NRXN3: variants seen among roughly 807,000 people sequenced by gnomAD.
NRXN3 encodes the protein neurexin 3, also known as neurexin III.
NRXN3 carries 32 observed loss-of-function variants against 137.6 expected under a neutral mutation model. That is an observed-to-expected ratio of 0.23 (90% confidence interval 0.18 to 0.31). NRXN3 has a LOEUF of 0.31. NRXN3 is among the 10% of genes least tolerant of loss of function. NRXN3 has a pLI of 1.00. For missense variants in NRXN3, 1,574 were observed against 2,062.5 expected (o/e 0.76, Z 4.59); for synonymous variants, 798 against 784.5 (o/e 1.02, Z -0.29).
At chr14:79,624,194 A>G (rs1379696510) in intron 16 of NRXN3, among the ~76,000 whole-genome samples, 3 of 152,202 alleles carry the variant, frequency 2.0e-5, no homozygotes, top group Non-Finnish European at 2.9e-5. Context: ...AAAGACACCA[A>G]AGAGCCACGT....
At chr14:79,021,069 C>T (rs544118994) in intron 15 of NRXN3, among the ~76,000 whole-genome samples, 5 of 152,238 alleles carry the variant, frequency 3.3e-5, no homozygotes, top group African/African-American at 1.2e-4. Context: ...TTTCTAGCAG[C>T]AGGTGTGGTT....
Position 79,218,098 on chromosome 14 carries a change from C to T in NRXN3, c.3262+229957C>T, listed in dbSNP as rs554308135. On this transcript the variant is annotated intron_variant, in intron 15 of 20. Coordinates refer to ENST00000335750, the MANE Select transcript of NRXN3 (RefSeq NM_001330195.2). ...ATCATTGAACCATTGAAATATTGAC[C>T]CCATAATTGTTCCAATTTTGACTTC... is the stretch of plus-strand genomic sequence containing the variant. 9.3e-4 allele frequency among the ~76,000 whole-genome samples: 142 copies of T among 152,172 alleles called. 3 individuals carry two copies. In the South Asian group the frequency reaches 0.029, roughly 31 times the overall value.
At chr14:79,090,237 C>T (rs2048906823) in intron 15 of NRXN3, among the ~76,000 whole-genome samples, 1 of 152,100 alleles carries the variant, frequency 6.6e-6, no homozygotes, top group African/African-American at 2.4e-5. Context: ...TTAGACTTCT[C>T]ATTGCTTCCC....
intron 2 of NRXN3, among the ~76,000 whole-genome samples, chr14:78,257,682 G>C (rs1409452583): frequency 6.6e-6 from 1 of 152,204 alleles, no homozygotes; most frequent in Non-Finnish European, 1.5e-5. Flanking sequence ...TGAGGCCAAT[G>C]GGATAGTAAC....
chr14:78,628,374 C>T (rs558580035), intron 4 of NRXN3, among the ~76,000 whole-genome samples: 197 of 152,250 alleles, frequency 1.3e-3, no homozygotes, highest in Admixed American at 2.0e-3. Context: ...TTCATGTTTT[C>T]AAAACAATTT....
intron 4 of NRXN3, among the ~76,000 whole-genome samples, chr14:78,378,995 C>A (rs1265045466): frequency 6.6e-6 from 1 of 151,602 alleles, no homozygotes; most frequent in African/African-American, 2.4e-5. Flanking sequence ...GCAAAGCAAC[C>A]CTACACACAA....
intron 15 of NRXN3, among the ~76,000 whole-genome samples, chr14:79,077,433 C>G (rs936503345): frequency 7.2e-5 from 11 of 152,102 alleles, no homozygotes; most frequent in African/African-American, 2.7e-4. Context: ...TTTTCCTATT[C>G]ATCTGAATTC....
chr14:79,764,165 T>G (rs370302136), intron 19 of NRXN3, among the ~76,000 whole-genome samples: 68 of 47,970 alleles, frequency 1.4e-3, no homozygotes, highest in East Asian at 6.2e-3. Context: ...TTTTGGTGGG[T>G]GGGGGGGGTG....
rs1023440485 is a variant in NRXN3, at chr14:79,866,955, C to T, written c.*4991C>T. Reference sequence around the variant, plus strand: ...CACTGACAGCACCAGTAGGAAGGCGCTAATGAAAAGATCTCTAAATATCAG... The same window carrying T: ...CACTGACAGCACCAGTAGGAAGGCGTTAATGAAAAGATCTCTAAATATCAG... On this transcript the variant is annotated 3_prime_UTR_variant, in exon 21 of 21. Coordinates refer to ENST00000335750, the MANE Select transcript of NRXN3 (RefSeq NM_001330195.2). 4.6e-5 allele frequency: 7 copies of T among 152,154 alleles called. No individual in the cohort carries two copies. Among genetic ancestry groups the T allele is most frequent in the Non-Finnish European group, 8.8e-5 (6 of 68,038 alleles). 9.4% of individuals were successfully genotyped at this position (152,154 alleles called of 1,614,324 possible).
intron 4 of NRXN3, among the ~76,000 whole-genome samples, chr14:78,451,136 T>C (rs1288236829): frequency 6.6e-6 from 1 of 152,112 alleles, no homozygotes; most frequent in African/African-American, 2.4e-5. Context: ...CCTTGAGTCA[T>C]GTGAGGTTGA....
chr14:78,746,345 A>C (rs1427393399), intron 8 of NRXN3, among the ~76,000 whole-genome samples: 1 of 152,214 alleles, frequency 6.6e-6, no homozygotes, highest in Non-Finnish European at 1.5e-5. Flanking sequence ...GGTTGCTCTA[A>C]GAACACACAG....
chr14:79,231,541 A>G (rs1402219901), intron 15 of NRXN3, among the ~76,000 whole-genome samples: 1 of 152,148 alleles, frequency 6.6e-6, no homozygotes, highest in Non-Finnish European at 1.5e-5. Flanking sequence ...TGTCAGATAG[A>G]TGGAGGATGG....
At chr14:79,773,268 C>G (rs1034853545) in intron 19 of NRXN3, among the ~76,000 whole-genome samples, 1 of 152,056 alleles carries the variant, frequency 6.6e-6, no homozygotes, top group Non-Finnish European at 1.5e-5. Context: ...CCCAGCCATC[C>G]CATTACTGGG....
intron 15 of NRXN3, among the ~76,000 whole-genome samples, chr14:79,161,014 C>G (rs1019613424): frequency 6.6e-6 from 1 of 151,954 alleles, no homozygotes. Context: ...GGGAACTTCT[C>G]TTACGTCTAT....
At chr14:78,641,609 G>A (rs940475964) in intron 4 of NRXN3, among the ~76,000 whole-genome samples, 3 of 152,198 alleles carry the variant, frequency 2.0e-5, no homozygotes, top group Non-Finnish European at 4.4e-5. Flanking sequence ...GCTTTCAGTT[G>A]TCTATTGTTT....
At chr14:79,790,597 C>CTG (rs925838899) in intron 19 of NRXN3, among the ~76,000 whole-genome samples, 4 of 148,690 alleles carry the variant, frequency 2.7e-5, no homozygotes, top group Non-Finnish European at 5.9e-5. Flanking sequence ...GCGTGGGCCA[C>CTG]TGTGTCTGGC....
At chr14:78,926,128 G>A (rs1400728799) in intron 10 of NRXN3, among the ~76,000 whole-genome samples, 1 of 152,044 alleles carries the variant, frequency 6.6e-6, no homozygotes. Flanking sequence ...AATAGGTACA[G>A]TAGTTCCCAC....
rs562940060 is a variant in NRXN3 at position 78,360,639 on chromosome 14, A to G, written c.757+62779A>G. On this transcript the variant is annotated intron_variant, in intron 4 of 20. Coordinates refer to ENST00000335750, the MANE Select transcript of NRXN3 (RefSeq NM_001330195.2). ...TTATGCTAGATTTGGGTAAGTTAAT[A>G]CACGTAAGGTACTTAGAACAATGCC... Among the ~76,000 whole-genome samples, 13 of 152,352 alleles carry G rather than the reference A, an allele frequency of 8.5e-5. No individual in the cohort carries two copies. In the East Asian group the frequency reaches 2.5e-3, roughly 29 times the overall value.
chr14:79,523,690 T>A (rs1463613974), intron 16 of NRXN3, among the ~76,000 whole-genome samples: 1 of 152,220 alleles, frequency 6.6e-6, no homozygotes, highest in East Asian at 1.9e-4. Flanking sequence ...AGAATTCAAA[T>A]CATTTGCAAC....
Sources: gnomAD v4.1 joint callset for allele counts (sites outside exome capture counted in the v4.1 genomes callset) on GRCh38, gnomAD v4.1.1 for gene constraint, MANE v1.5 for transcripts, NCBI Gene and HGNC (gene_info 2026-07-23, HGNC 2026-07-21) for gene names.